The following ARFGEF1 variants were observed in gnomAD, a reference collection of about 807,000 sequenced individuals.
The protein encoded by ARFGEF1 is ARF guanine nucleotide exchange factor 1.
Under a neutral mutation model 231.0 loss-of-function variants are expected in ARFGEF1, and 42 were observed. The observed-to-expected ratio is 0.18, with a 90% CI of 0.14 to 0.24. The LOEUF is 0.24. ARFGEF1 is among the 10% of genes least tolerant of loss of function. The probability of loss-of-function intolerance (pLI) is 1.00; values close to 1 mark genes in which losing one functional copy is unlikely to be tolerated. For synonymous variants in ARFGEF1, 710 were observed against 732.3 expected, an observed-to-expected ratio of 0.97 and a Z score of 0.49; for missense variants, 1,345 against 2,192.0, an observed-to-expected ratio of 0.61 and a Z score of 7.72.
At chr8:67,317,576 TG>T (rs1807377260) in intron 1 of ARFGEF1, among the ~76,000 whole-genome samples, 3 of 145,630 alleles carry the variant, frequency 2.1e-5, no homozygotes, top group African/African-American at 7.6e-5. Context: ...CATGACCCAC[TG>T]GGGTTTATTC....
intron 5 of ARFGEF1, among the ~76,000 whole-genome samples, chr8:67,182,013 A>G (rs1833176983): frequency 6.6e-6 from 1 of 151,718 alleles, no homozygotes. Context: ...TTCTTTTTTT[A>G]CCCCTTAGAG....
rs200667386 is a variant in ARFGEF1, at chr8:67,201,508, G to A, written c.5226C>T (p.Ser1742=). ...RILFRMYMDE[S]RVSAWEEVQQ... is the part of the protein sequence containing the mutation. ...GGACCTCCTCCCAGGCACTAACGCG[G>A]CTCTCATCCATGTACATCCGGAAGA... is the stretch of plus-strand genomic sequence containing the variant. The change falls in exon 37 of 39, where the codon AGC becomes AGT. Residue 1742 remains serine, a synonymous_variant. Transcript: ENST00000262215. 62 of 1,612,184 alleles carry A rather than the reference G, an allele frequency of 3.8e-5. No homozygotes were observed. Among genetic ancestry groups the A allele is most frequent in the Non-Finnish European group, 4.8e-5 (57 of 1,179,288 alleles).
At chr8:67,209,456 G>C (rs1838644360) in intron 34 of ARFGEF1, among the ~76,000 whole-genome samples, 1 of 152,194 alleles carries the variant, frequency 6.6e-6, no homozygotes, top group South Asian at 2.1e-4. Context: ...ACAGTTATGG[G>C]GCTGGGGGGC....
Position 67,197,823 on chromosome 8 carries a change from C to T in ARFGEF1, c.*1111G>A, listed in dbSNP as rs1169002285. The stretch of plus-strand genomic sequence containing the variant: ...TTTGTCCATCTGAAAAAATTTTCTA[C>T]ATCCACTGTTAATACGGAATGCTTG... On this transcript the variant is annotated 3_prime_UTR_variant, in exon 39 of 39. Coordinates refer to ENST00000262215, the MANE Select transcript of ARFGEF1 (RefSeq NM_006421.5). The T allele has an allele frequency of 2.0e-6, 2 of 985,732 alleles. No individual in the cohort carries two copies. The highest frequency in any genetic ancestry group is 1.1e-4 in the East Asian group (1 of 8,832). The allele number at this position is 985,732 out of a possible 1,614,324, so 61.1% of individuals were successfully genotyped here. A position where few individuals can be genotyped will look rare whatever the true frequency, so the allele number is the denominator to read the frequency against.
chr8:67,338,255 G>C (rs990583225), intron 1 of ARFGEF1, among the ~76,000 whole-genome samples: 1 of 151,528 alleles, frequency 6.6e-6, no homozygotes, highest in African/African-American at 2.4e-5. Flanking sequence ...CCTGTGTTTA[G>C]AGAAACACAG....
chr8:67,294,644 T>A (rs1185401104), intron 5 of ARFGEF1, among the ~76,000 whole-genome samples: 1 of 152,142 alleles, frequency 6.6e-6, no homozygotes, highest in Non-Finnish European at 1.5e-5. Context: ...GGGAGAAGAC[T>A]GAAATGAACC....
At chr8:67,340,003 G>C (rs376698822) in intron 1 of ARFGEF1, among the ~76,000 whole-genome samples, 3 of 151,328 alleles carry the variant, frequency 2.0e-5, no homozygotes, top group Non-Finnish European at 4.4e-5. Context: ...TGTTTCATAA[G>C]TTATACTTTT....
At chr8:67,339,151 A>C (rs1405187769) in intron 1 of ARFGEF1, among the ~76,000 whole-genome samples, 1 of 152,228 alleles carries the variant, frequency 6.6e-6, no homozygotes, top group Non-Finnish European at 1.5e-5. Context: ...CAGCAGGATC[A>C]CTTTATAATA....
chr8:67,276,069 A>T lies in ARFGEF1; in HGVS notation c.1244T>A (p.Phe415Tyr). The T allele has an allele frequency of 6.2e-7, 1 of 1,613,424 alleles. No individual in the cohort carries two copies. The highest frequency in any genetic ancestry group is 8.5e-7 in the Non-Finnish European group (1 of 1,179,526). ...GGCATCCTTTTGTAAAATGTGGGAA[A>T]ACTTAGCACCAGGTGAAGGTCCTGA... ...NSSGPSPGAK[F>Y]SHILQKDAFL... The change falls in exon 9 of 39, where the codon TTT becomes TAT. Residue 415 changes from phenylalanine (F) to tyrosine (Y), a missense_variant. By Grantham distance (22) the Phe-to-Tyr change is conservative. Coordinates refer to ENST00000262215, the MANE Select transcript of ARFGEF1 (RefSeq NM_006421.5).
chr8:67,262,913 G>T (rs1244289201), intron 14 of ARFGEF1, among the ~76,000 whole-genome samples: 1 of 152,170 alleles, frequency 6.6e-6, no homozygotes, highest in Non-Finnish European at 1.5e-5. Context: ...AAAATGGTGT[G>T]ACTCACTATA....
chr8:67,231,893 T>C (rs1014819223), intron 23 of ARFGEF1, among the ~76,000 whole-genome samples: 1 of 152,100 alleles, frequency 6.6e-6, no homozygotes, highest in Non-Finnish European at 1.5e-5. Context: ...GCCTTCATGT[T>C]TGTTATACAG....
At chr8:67,270,622 G>A (rs998806441) in intron 10 of ARFGEF1, among the ~76,000 whole-genome samples, 16 of 142,294 alleles carry the variant, frequency 1.1e-4, no homozygotes, top group Non-Finnish European at 2.1e-4. Flanking sequence ...ATAACAAATT[G>A]AAAAAAGCAT....
chr8:67,326,971 C>T (rs1013134784), intron 1 of ARFGEF1, among the ~76,000 whole-genome samples: 1 of 152,174 alleles, frequency 6.6e-6, no homozygotes, highest in Admixed American at 6.5e-5. Context: ...TTATTAGAAG[C>T]TAATTGGGTA....
chr8:67,238,655 T>A, intron 21 of ARFGEF1, 80 bp downstream of exon 21: 1 of 1,518,656 alleles, frequency 6.6e-7, no homozygotes. Flanking sequence ...CCCTAACATT[T>A]AGGCATGTCA....
At chr8:67,228,415 G>C in intron 23 of ARFGEF1, 151 bp from the exon 24 acceptor site, 2 of 679,494 alleles carry the variant, frequency 2.9e-6, no homozygotes, top group East Asian at 2.7e-5. Flanking sequence ...ATTTAGTTTA[G>C]TAACAAGTGT....
intron 37 of ARFGEF1, among the ~76,000 whole-genome samples, chr8:67,201,135 G>A (rs527859803): frequency 2.0e-5 from 3 of 152,088 alleles, no homozygotes; most frequent in East Asian, 3.9e-4. Flanking sequence ...TATTTTTTTC[G>A]AAGTAAATGC....
At chr8:67,233,771 T>A (rs1839628512) in intron 22 of ARFGEF1, among the ~76,000 whole-genome samples, 1 of 152,012 alleles carries the variant, frequency 6.6e-6, no homozygotes, top group Non-Finnish European at 1.5e-5. Flanking sequence ...ATATAAACTC[T>A]TTACCCTAGC....
chr8:67,270,887 G>T (rs1259653784), intron 10 of ARFGEF1, among the ~76,000 whole-genome samples: 5 of 151,384 alleles, frequency 3.3e-5, no homozygotes, highest in African/African-American at 7.3e-5. Flanking sequence ...AGCCAGGCGT[G>T]GTGGCACATG....
chr8:67,199,246 A>T, intron 38 of ARFGEF1, 148 bp from the exon 39 acceptor site: 1 of 837,984 alleles, frequency 1.2e-6, no homozygotes, highest in Admixed American at 3.1e-5. Context: ...TGGAACTGAG[A>T]GACAGAAGTG....
Sources: allele counts gnomAD v4.1 joint callset (sites outside exome capture counted in the v4.1 genomes callset), GRCh38; gene constraint gnomAD v4.1.1; transcripts MANE v1.5; gene names NCBI Gene and HGNC (gene_info 2026-07-23, HGNC 2026-07-21).